Variants in SLC14A2 observed in about 807,000 individuals in gnomAD.
SLC14A2 encodes the protein solute carrier family 14 member 2.
In SLC14A2, 91 loss-of-function variants were observed where a neutral mutation model predicts 104.6. That is an observed-to-expected ratio of 0.87 (90% CI 0.73 to 1.04). The LOEUF is 1.04. Ranked by LOEUF, SLC14A2 falls within the 50% of genes least tolerant of loss-of-function variation. SLC14A2 has a pLI of 0.00. For missense variants in SLC14A2, 1,189 were observed against 1,156.0 expected (o/e 1.03, Z -0.41); for synonymous variants, 476 against 466.4 (o/e 1.02, Z -0.27).
chr18:45,171,036 A>C, the SLC14A2 span, among the ~76,000 whole-genome samples: 1 of 151,728 alleles, frequency 6.6e-6, no homozygotes, highest in South Asian at 2.1e-4. Flanking sequence ...AATGACTCAA[A>C]CAGAGATCTA....
At chr18:45,575,332 G>C (rs1351495000) in intron 2 of SLC14A2, among the ~76,000 whole-genome samples, 1 of 152,106 alleles carries the variant, frequency 6.6e-6, no homozygotes, top group Non-Finnish European at 1.5e-5. Flanking sequence ...CTCCCTTCTA[G>C]CTGGTGATGG....
At chr18:45,344,290 C>T (rs1410641639) in intron 1 of SLC14A2, among the ~76,000 whole-genome samples, 1 of 152,114 alleles carries the variant, frequency 6.6e-6, no homozygotes, top group Non-Finnish European at 1.5e-5. Flanking sequence ...TCTGACACTA[C>T]CTGAAGTTCT....
chr18:45,615,817 A>G (rs1374643610), intron 1 of SLC14A2, among the ~76,000 whole-genome samples: 12 of 147,504 alleles, frequency 8.1e-5, no homozygotes, highest in South Asian at 2.2e-4. Flanking sequence ...GTAGGGGTGT[A>G]TGTGTGTGTG....
At chr18:45,609,532 T>A (rs1476512863) in intron 2 of SLC14A2, among the ~76,000 whole-genome samples, 3 of 152,140 alleles carry the variant, frequency 2.0e-5, no homozygotes, top group Non-Finnish European at 4.4e-5. Flanking sequence ...CATTCCTCAT[T>A]GGAGTTTATA....
At chr18:45,645,093 A>T (rs1021659631) in intron 10 of SLC14A2, among the ~76,000 whole-genome samples, 2 of 151,928 alleles carry the variant, frequency 1.3e-5, no homozygotes, top group Non-Finnish European at 2.9e-5. Flanking sequence ...TTCAACTCCC[A>T]CTTATAAGTG....
At chr18:45,318,634 A>T (rs1351331858) in intron 1 of SLC14A2, among the ~76,000 whole-genome samples, 2 of 151,942 alleles carry the variant, frequency 1.3e-5, no homozygotes, top group Non-Finnish European at 2.9e-5. Flanking sequence ...CTAAAAATAC[A>T]AAATTAGCTG....
intron 1 of SLC14A2, among the ~76,000 whole-genome samples, chr18:45,217,108 C>T (rs1457892687): frequency 6.6e-6 from 1 of 151,848 alleles, no homozygotes; most frequent in African/African-American, 2.4e-5. Flanking sequence ...CCCAATTTTC[C>T]TCCTTTCCTT....
At chr18:45,463,871 C>A (rs116761761) in intron 1 of SLC14A2, among the ~76,000 whole-genome samples, 211 of 152,248 alleles carry the variant, frequency 1.4e-3, no homozygotes, top group African/African-American at 4.5e-3. Context: ...GCTTTGCCTC[C>A]GTATTGATGA....
rs188953068 is a variant in SLC14A2 at position 45,637,197 on chromosome 18, G to T, written c.843+15G>T. ...AAATGCCCCTGGTAAGTTACCCAGCGGTGATGAGTTGAGACCCCCATATTC... is the reference window on the plus strand; with the variant it reads ...AAATGCCCCTGGTAAGTTACCCAGCTGTGATGAGTTGAGACCCCCATATTC... On this transcript the variant is annotated intron_variant, in intron 6 of 19. Transcript: ENST00000255226. 6.2e-7 allele frequency: 1 copy of T among 1,609,496 alleles called. No individual in the cohort carries two copies. The highest frequency in any genetic ancestry group is 8.5e-7 in the Non-Finnish European group (1 of 1,176,602).
At position 45,555,294 on chromosome 18, in the gene SLC14A2, A is replaced by G. The variant is rs113961032; in HGVS notation, c.-34-69337A>G. ...ATAAGAACATTCAATGGTATAATAT[A>G]GTTTTATACACATGGTCCCTGACTT... is the stretch of plus-strand genomic sequence containing the variant. On this transcript the variant is annotated intron_variant, in intron 2 of 20. Coordinates refer to the SLC14A2 transcript ENST00000586448. Among the ~76,000 whole-genome samples, 8 of 152,326 alleles carry G rather than the reference A, an allele frequency of 5.3e-5. 1 individual carries two copies. The highest frequency in any genetic ancestry group is 1.9e-4 in the African/African-American group (8 of 41,574).
chr18:45,404,046 A>G (rs1364705725), intron 1 of SLC14A2, among the ~76,000 whole-genome samples: 1 of 152,192 alleles, frequency 6.6e-6, no homozygotes, highest in Non-Finnish European at 1.5e-5. Flanking sequence ...CACTGCCTGG[A>G]AGGAACCCAT....
chr18:45,481,068 A>T (rs2144697025), intron 1 of SLC14A2, among the ~76,000 whole-genome samples: 1 of 152,248 alleles, frequency 6.6e-6, no homozygotes, highest in Non-Finnish European at 1.5e-5. Context: ...AGACAGGCTA[A>T]GAGAAGTTTT....
chr18:45,480,807 A>G (rs1428377585), intron 1 of SLC14A2, among the ~76,000 whole-genome samples: 1 of 152,202 alleles, frequency 6.6e-6, no homozygotes, highest in East Asian at 1.9e-4. Flanking sequence ...TCCCAGTCAA[A>G]AGCAATTTTT....
chr18:45,596,907 C>T (rs2044724760), intron 2 of SLC14A2, among the ~76,000 whole-genome samples: 1 of 152,194 alleles, frequency 6.6e-6, no homozygotes, highest in South Asian at 2.1e-4. Context: ...ACTCAGCCCC[C>T]ACCTACCTCC....
chr18:45,385,303 A>G (rs1013110343), intron 1 of SLC14A2, among the ~76,000 whole-genome samples: 2 of 152,240 alleles, frequency 1.3e-5, no homozygotes, highest in East Asian at 3.8e-4. Flanking sequence ...GTGTGCAGGA[A>G]TCACAGGACC....
chr18:45,324,130 C>T (rs529622968), intron 1 of SLC14A2, among the ~76,000 whole-genome samples: 1 of 152,142 alleles, frequency 6.6e-6, no homozygotes, highest in Admixed American at 6.5e-5. Flanking sequence ...CTTTCCATGC[C>T]CCATATATTA....
intron 1 of SLC14A2, among the ~76,000 whole-genome samples, chr18:45,326,089 G>T (rs773476413): frequency 6.6e-6 from 1 of 152,164 alleles, no homozygotes; most frequent in Non-Finnish European, 1.5e-5. Context: ...ATTTCTAGCT[G>T]GATGGCCTCT....
chr18:45,309,579 G>A (rs999630590), intron 1 of SLC14A2, among the ~76,000 whole-genome samples: 2 of 152,158 alleles, frequency 1.3e-5, no homozygotes, highest in Non-Finnish European at 2.9e-5. Context: ...CCGGTGGAAA[G>A]TCACTCCTTG....
At chr18:45,680,730 A>G (rs971682412) in intron 19 of SLC14A2, among the ~76,000 whole-genome samples, 2 of 152,200 alleles carry the variant, frequency 1.3e-5, no homozygotes, top group Non-Finnish European at 2.9e-5. Context: ...TATTATTCCT[A>G]TTTCGCTATT....
Sources: allele counts gnomAD v4.1 joint callset (sites outside exome capture counted in the v4.1 genomes callset), GRCh38; gene constraint gnomAD v4.1.1; transcripts MANE v1.5; gene names NCBI Gene and HGNC (gene_info 2026-07-23, HGNC 2026-07-21).